NXPE2: variants seen among roughly 807,000 people sequenced by gnomAD.
The protein encoded by NXPE2 is neurexophilin and PC-esterase domain family member 2, also known as NXPE family member 2.
NXPE2 carries 34 observed loss-of-function variants against 34.4 expected under a neutral mutation model. That is an observed-to-expected ratio of 0.99 (90% CI 0.75 to 1.31). The LOEUF is 1.31. NXPE2 is among the 40% of genes most tolerant of loss of function. NXPE2 has a pLI of 0.00. For missense variants in NXPE2, 649 were observed against 672.5 expected, an observed-to-expected ratio of 0.97 and a Z score of 0.39; for synonymous variants, 235 against 231.3, an observed-to-expected ratio of 1.02 and a Z score of -0.15.
chr11:114,559,212 A>G, the NXPE2 span, among the ~76,000 whole-genome samples: 58,148 of 152,036 alleles, frequency 0.38, 11,483 homozygotes, highest in East Asian at 0.66. Context: ...GACTCATCCT[A>G]CTGCCCACCT....
the NXPE2 span, among the ~76,000 whole-genome samples, chr11:114,569,711 C>T: frequency 1.3e-5 from 2 of 152,088 alleles, no homozygotes; most frequent in African/African-American, 4.8e-5. Flanking sequence ...CGTCAAACCC[C>T]TGGACTCAAG....
At chr11:114,499,197 A>G in the NXPE2 span, among the ~76,000 whole-genome samples, 2 of 152,150 alleles carry the variant, frequency 1.3e-5, no homozygotes, top group South Asian at 4.1e-4. Flanking sequence ...ACACCATTAT[A>G]ACATACTTCT....
At chr11:114,592,031 A>G in the NXPE2 span, among the ~76,000 whole-genome samples, 1 of 152,218 alleles carries the variant, frequency 6.6e-6, no homozygotes, top group Non-Finnish European at 1.5e-5. Context: ...GTACCTCAAA[A>G]CAATAAAAAA....
At chr11:114,770,225 G>A in the NXPE2 span, among the ~76,000 whole-genome samples, 2 of 152,210 alleles carry the variant, frequency 1.3e-5, no homozygotes, top group African/African-American at 4.8e-5. Flanking sequence ...GGTGGGTTGA[G>A]GTCAGTCTGG....
the NXPE2 span, among the ~76,000 whole-genome samples, chr11:114,577,571 A>T: frequency 2.0e-5 from 3 of 152,156 alleles, no homozygotes; most frequent in Non-Finnish European, 2.9e-5. Context: ...AAAATTAAAA[A>T]AGTGTTATGT....
the NXPE2 span, among the ~76,000 whole-genome samples, chr11:114,603,155 T>C: frequency 6.6e-6 from 1 of 151,984 alleles, no homozygotes; most frequent in East Asian, 1.9e-4. Context: ...CCTTGTCTCC[T>C]AGGTAACTAC....
chr11:114,718,718 T>G, the NXPE2 span, among the ~76,000 whole-genome samples: 1 of 152,174 alleles, frequency 6.6e-6, no homozygotes, highest in Admixed American at 6.5e-5. Flanking sequence ...AAAGAATGAC[T>G]GTAAATGTTT....
chr11:114,727,264 C>A, the NXPE2 span, among the ~76,000 whole-genome samples: 3 of 152,034 alleles, frequency 2.0e-5, no homozygotes, highest in Non-Finnish European at 2.9e-5. Flanking sequence ...TCAGCATGGT[C>A]AGGTTTTGGT....
At chr11:114,682,946 C>G (rs1018231387) in intron 2 of NXPE2, among the ~76,000 whole-genome samples, 2 of 151,334 alleles carry the variant, frequency 1.3e-5, no homozygotes, top group African/African-American at 4.8e-5. Context: ...CCGTGAGATG[C>G]AATAAAAGTT....
At chr11:114,522,468 A>T in the NXPE2 span, 1 of 1,608,914 alleles carries the variant, frequency 6.2e-7, no homozygotes, top group South Asian at 1.1e-5. Context: ...TGTTTCTTAA[A>T]GATTCCAGTT....
At chr11:114,739,224 T>C in the NXPE2 span, among the ~76,000 whole-genome samples, 7 of 152,160 alleles carry the variant, frequency 4.6e-5, no homozygotes, top group Non-Finnish European at 1.0e-4. Context: ...AATTAGCTTG[T>C]GCTGAGCAGT....
chr11:114,588,719 T>C, the NXPE2 span, among the ~76,000 whole-genome samples: 734 of 152,280 alleles, frequency 4.8e-3, 26 homozygotes, highest in Non-Finnish European at 1.2e-3. Flanking sequence ...GCCAAACCTC[T>C]TAACTACTCT....
At chr11:114,564,852 G>T in the NXPE2 span, among the ~76,000 whole-genome samples, 1 of 152,204 alleles carries the variant, frequency 6.6e-6, no homozygotes, top group African/African-American at 2.4e-5. Flanking sequence ...GGATATAGGA[G>T]TTTGAGCTAT....
intron 3 of NXPE2, among the ~76,000 whole-genome samples, chr11:114,699,901 C>T (rs919452663): frequency 1.4e-4 from 22 of 151,736 alleles, no homozygotes; most frequent in Non-Finnish European, 2.5e-4. Flanking sequence ...ACAAGCAATT[C>T]TGCTGCCTCA....
At chr11:114,576,576 G>A in the NXPE2 span, among the ~76,000 whole-genome samples, 1 of 151,988 alleles carries the variant, frequency 6.6e-6, no homozygotes, top group Non-Finnish European at 1.5e-5. Flanking sequence ...TATACAGATG[G>A]TGAACAAACA....
the NXPE2 span, among the ~76,000 whole-genome samples, chr11:114,625,793 A>T: frequency 6.6e-6 from 1 of 152,134 alleles, no homozygotes; most frequent in Admixed American, 6.5e-5. Flanking sequence ...AGTGCCAGAC[A>T]GTGGGTGCAG....
the NXPE2 span, among the ~76,000 whole-genome samples, chr11:114,807,409 G>A: frequency 4.6e-5 from 7 of 152,142 alleles, no homozygotes; most frequent in Non-Finnish European, 1.0e-4. Flanking sequence ...ATTGGATAAA[G>A]AGTCAAGACC....
At chr11:114,583,823 G>T in the NXPE2 span, 1 of 422,056 alleles carries the variant, frequency 2.4e-6, no homozygotes, top group South Asian at 1.9e-5. Flanking sequence ...CTATATTACA[G>T]GCTAGGCCAG....
chr11:114,615,362 C>A, the NXPE2 span, among the ~76,000 whole-genome samples: 3 of 152,008 alleles, frequency 2.0e-5, no homozygotes, highest in Admixed American at 2.0e-4. Context: ...TCGTGGATAA[C>A]CACTGTTACC....
Sources: gnomAD v4.1 joint callset for allele counts (sites outside exome capture counted in the v4.1 genomes callset) on GRCh38, gnomAD v4.1.1 for gene constraint, MANE v1.5 for transcripts, NCBI Gene and HGNC (gene_info 2026-07-23, HGNC 2026-07-21) for gene names.